Variants in WWP1 observed in about 807,000 individuals in gnomAD.
WWP1 encodes the protein WW domain containing E3 ubiquitin protein ligase 1.
WWP1 carries 49 observed loss-of-function variants against 130.6 expected under a neutral mutation model. That is an observed-to-expected ratio of 0.38 (90% CI 0.30 to 0.48). The LOEUF is 0.48. Ranked by LOEUF, WWP1 falls within the 20% of genes least tolerant of loss-of-function variation. The pLI is 0.99. For synonymous variants in WWP1, 332 were observed against 367.8 expected (o/e 0.90, Z 1.11); for missense variants, 809 against 1,100.6 (o/e 0.74, Z 3.75).
chr8:86,385,843 A>G (rs1439381671), intron 5 of WWP1, among the ~76,000 whole-genome samples: 2 of 152,200 alleles, frequency 1.3e-5, no homozygotes, highest in African/African-American at 2.4e-5. Flanking sequence ...AAATCTTACC[A>G]TGGAATCTTA....
chr8:86,347,036 G>T (rs1442385885), intron 1 of WWP1, among the ~76,000 whole-genome samples: 2 of 151,898 alleles, frequency 1.3e-5, no homozygotes, highest in African/African-American at 4.8e-5. Flanking sequence ...TTGAGACAGG[G>T]TCTTGCTCTG....
intron 24 of WWP1, among the ~76,000 whole-genome samples, chr8:86,466,249 T>TTCCAAAA (rs1363614860): frequency 2.6e-5 from 4 of 152,204 alleles, no homozygotes; most frequent in African/African-American, 9.7e-5. Flanking sequence ...TATGGCAAGA[T>TTCCAAAA]TGAAAAAGTG....
Position 86,452,543 on chromosome 8 carries a change from C to T in WWP1, c.2274-16C>T, listed in dbSNP as rs371416277. The T allele has an allele frequency of 3.6e-5, 57 of 1,579,744 alleles. No individual in the cohort carries two copies. Among genetic ancestry groups the T allele is most frequent in the Middle Eastern group, 2.1e-4 (1 of 4,652 alleles). ...CATATAAATTACCTATTTTTAAATA[C>T]CATCTTTATTTTCAGTTTAATGACA... On this transcript the variant is annotated splice_polypyrimidine_tract_variant and intron_variant, in intron 20 of 24. Transcript: ENST00000517970.
intron 7 of WWP1, among the ~76,000 whole-genome samples, chr8:86,401,638 C>T (rs1239316210): frequency 6.6e-6 from 1 of 151,268 alleles, no homozygotes. Flanking sequence ...AAACTACTTT[C>T]AGAGCTTTTA....
intron 8 of WWP1, among the ~76,000 whole-genome samples, chr8:86,404,060 T>G (rs1438592398): frequency 6.6e-6 from 1 of 152,198 alleles, no homozygotes; most frequent in Non-Finnish European, 1.5e-5. Flanking sequence ...CTGAAAAATC[T>G]CAAATCTGAA....
At chr8:86,457,409 ATCTG>A (rs72068320) in intron 21 of WWP1, among the ~76,000 whole-genome samples, 56,663 of 150,170 alleles carry the variant, frequency 0.38, 13,389 homozygotes, top group African/African-American at 0.67. Flanking sequence ...GGGGAGATCT[ATCTG>A]TCTGTCTGTC....
intron 1 of WWP1, among the ~76,000 whole-genome samples, chr8:86,345,816 TTTGTG>T (rs1345243154): frequency 6.6e-6 from 1 of 152,300 alleles, no homozygotes; most frequent in East Asian, 1.9e-4. Flanking sequence ...CAATATTACA[TTTGTG>T]TTGTGGTTTA....
chr8:86,383,594 T>G (rs1441819738), intron 5 of WWP1, among the ~76,000 whole-genome samples: 2 of 151,924 alleles, frequency 1.3e-5, no homozygotes, highest in African/African-American at 4.8e-5. Context: ...ATACAAAAAT[T>G]AGCTGAGTGT....
At chr8:86,438,415 G>C (rs895685764) in intron 16 of WWP1, among the ~76,000 whole-genome samples, 170 bp from the exon 17 acceptor site, 4 of 152,154 alleles carry the variant, frequency 2.6e-5, no homozygotes, top group Non-Finnish European at 4.4e-5. Flanking sequence ...AGATTGATAT[G>C]TATGTCTTCA....
chr8:86,400,453 G>A lies in WWP1; in HGVS notation c.540-1566G>A, dbSNP rs189721134. ...AGGACAAGATGACAGGAATGGAAGG[G>A]AGCCTATTTTTAAAAGAGATGCCAA... On this transcript the variant is annotated intron_variant, in intron 7 of 24. Coordinates refer to ENST00000517970, the MANE Select transcript of WWP1 (RefSeq NM_007013.4). Among the ~76,000 whole-genome samples, 364 of 152,232 alleles carry A rather than the reference G, an allele frequency of 2.4e-3. 4 individuals are homozygous for A. Among genetic ancestry groups the A allele is most frequent in the Non-Finnish European group, 4.1e-3 (281 of 68,030 alleles).
chr8:86,381,097 T>C (rs1824961733), intron 4 of WWP1, among the ~76,000 whole-genome samples: 1 of 150,938 alleles, frequency 6.6e-6, no homozygotes, highest in South Asian at 2.1e-4. Context: ...CTGACTGTTT[T>C]GGTACAGAAA....
chr8:86,425,939 A>G (rs1311896625), intron 10 of WWP1, among the ~76,000 whole-genome samples: 8 of 152,114 alleles, frequency 5.3e-5, no homozygotes, highest in Non-Finnish European at 1.0e-4. Flanking sequence ...GCATTCATTT[A>G]CTCACACATT....
chr8:86,389,905 G>A (rs1264776567), intron 5 of WWP1, among the ~76,000 whole-genome samples: 1 of 151,812 alleles, frequency 6.6e-6, no homozygotes, highest in Middle Eastern at 3.2e-3. Flanking sequence ...GGACGGGGCG[G>A]CTGCCGGGCG....
At chr8:86,395,515 C>G (rs998990533) in intron 5 of WWP1, among the ~76,000 whole-genome samples, 1 of 152,162 alleles carries the variant, frequency 6.6e-6, no homozygotes, top group East Asian at 1.9e-4. Context: ...AAAGTCATGC[C>G]TGGTGACCAG....
intron 11 of WWP1, 127 bp from the exon 12 acceptor site, chr8:86,430,570 C>A: frequency 4.5e-6 from 3 of 659,654 alleles, no homozygotes; most frequent in African/African-American, 1.9e-5. Context: ...AGCCACTGCG[C>A]CCAACCCCTT....
intron 3 of WWP1, among the ~76,000 whole-genome samples, chr8:86,375,495 A>G (rs1824584246): frequency 1.3e-5 from 2 of 152,136 alleles, no homozygotes. Flanking sequence ...AAGCAGATAC[A>G]TGTGCAGTAT....
intron 24 of WWP1, among the ~76,000 whole-genome samples, chr8:86,463,984 C>T (rs1043477426): frequency 2.0e-5 from 3 of 151,756 alleles, no homozygotes; most frequent in African/African-American, 4.8e-5. Flanking sequence ...TCACTGGAGC[C>T]GGGGAAGTCA....
intron 20 of WWP1, among the ~76,000 whole-genome samples, chr8:86,449,215 C>A (rs989794199): frequency 5.3e-5 from 8 of 152,148 alleles, no homozygotes; most frequent in Non-Finnish European, 1.0e-4. Flanking sequence ...TTATTTCAAC[C>A]TGCTTCTCTA....
intron 18 of WWP1, among the ~76,000 whole-genome samples, chr8:86,446,579 T>A (rs547679285): frequency 6.6e-6 from 1 of 152,292 alleles, no homozygotes; most frequent in South Asian, 2.1e-4. Flanking sequence ...GGTTTTCTTT[T>A]AGGATTTTAA....
Sources: gnomAD v4.1 joint callset for allele counts (sites outside exome capture counted in the v4.1 genomes callset) on GRCh38, gnomAD v4.1.1 for gene constraint, MANE v1.5 for transcripts, NCBI Gene and HGNC (gene_info 2026-07-23, HGNC 2026-07-21) for gene names.